Variants in DCC observed in about 807,000 individuals in gnomAD.
DCC encodes the protein netrin receptor DCC.
A neutral mutation model predicts 172.5 loss-of-function variants in DCC; 58 were observed. The ratio of observed to expected loss-of-function variants is 0.34; its 90% CI spans 0.27 to 0.42. The LOEUF (loss-of-function observed/expected upper bound fraction) is 0.42. Ranked by LOEUF, DCC falls within the 10% of genes least tolerant of loss-of-function variation. The pLI is 1.00. For synonymous variants in DCC, 709 were observed against 644.5 expected (o/e 1.10, Z -1.52); for missense variants, 1,740 against 1,791.0 (o/e 0.97, Z 0.51).
At chr18:52,406,416 C>T (rs1986654503) in intron 1 of DCC, among the ~76,000 whole-genome samples, 1 of 151,898 alleles carries the variant, frequency 6.6e-6, no homozygotes, top group South Asian at 2.1e-4. Context: ...TTTTCGCAAC[C>T]TACTCATCTG....
intron 5 of DCC, among the ~76,000 whole-genome samples, chr18:52,963,721 A>G (rs1030423791): frequency 1.3e-5 from 2 of 152,140 alleles, no homozygotes; most frequent in African/African-American, 4.8e-5. Flanking sequence ...AGAGAATTCT[A>G]ACACTTCCAG....
At chr18:52,380,053 A>G (rs1011144333) in intron 1 of DCC, among the ~76,000 whole-genome samples, 44 of 152,040 alleles carry the variant, frequency 2.9e-4, no homozygotes, top group African/African-American at 1.0e-3. Flanking sequence ...CATCCTCTGG[A>G]GGGGAGGAAT....
At chr18:52,968,069 T>C (rs1312252424) in intron 5 of DCC, among the ~76,000 whole-genome samples, 1 of 152,200 alleles carries the variant, frequency 6.6e-6, no homozygotes, top group Non-Finnish European at 1.5e-5. Context: ...ATTATTCTTC[T>C]AGCATTTATT....
chr18:52,562,595 T>G (rs1438258576), intron 1 of DCC, among the ~76,000 whole-genome samples: 2 of 152,098 alleles, frequency 1.3e-5, no homozygotes, highest in African/African-American at 4.8e-5. Context: ...CACCTTTTTG[T>G]GAACAAAATA....
At chr18:53,026,393 A>G (rs2041955603) in intron 5 of DCC, among the ~76,000 whole-genome samples, 1 of 152,086 alleles carries the variant, frequency 6.6e-6, no homozygotes, top group African/African-American at 2.4e-5. Context: ...AGCATTGTCA[A>G]CTTTTCAACT....
intron 1 of DCC, among the ~76,000 whole-genome samples, chr18:52,512,691 A>G (rs918779307): frequency 2.0e-5 from 3 of 152,136 alleles, no homozygotes; most frequent in African/African-American, 7.2e-5. Flanking sequence ...CTTACATCTT[A>G]GTGAAGGATA....
At chr18:52,839,564 CTCT>C (rs1212667411) in intron 2 of DCC, among the ~76,000 whole-genome samples, 2 of 152,206 alleles carry the variant, frequency 1.3e-5, no homozygotes, top group African/African-American at 4.8e-5. Context: ...CCCACCAGCC[CTCT>C]TCTTGACAAC....
At chr18:52,931,415 G>T (rs1023687438) in intron 5 of DCC, among the ~76,000 whole-genome samples, 1 of 134,636 alleles carries the variant, frequency 7.4e-6, no homozygotes, top group Non-Finnish European at 1.7e-5. Flanking sequence ...CTTTAATCAC[G>T]CATTTTATTA....
intron 15 of DCC, among the ~76,000 whole-genome samples, chr18:53,345,961 A>G (rs2057718809): frequency 6.6e-6 from 1 of 151,074 alleles, no homozygotes; most frequent in Admixed American, 6.6e-5. Context: ...CTTCTTTTGG[A>G]TTATTTGAAT....
intron 1 of DCC, among the ~76,000 whole-genome samples, chr18:52,700,094 A>G (rs2036082801): frequency 6.6e-6 from 1 of 150,718 alleles, no homozygotes; most frequent in Non-Finnish European, 1.5e-5. Context: ...TTTATAAGTT[A>G]CCATTTTGGA....
chr18:52,711,808 C>CT (rs1253953049), intron 1 of DCC, among the ~76,000 whole-genome samples: 11 of 152,008 alleles, frequency 7.2e-5, no homozygotes, highest in Admixed American at 2.6e-4. Context: ...CACCTGCTGA[C>CT]TTTTTTTTGA....
chr18:53,418,304 C>T (rs1046380548), intron 21 of DCC, among the ~76,000 whole-genome samples: 6 of 152,070 alleles, frequency 3.9e-5, no homozygotes, highest in East Asian at 1.9e-4. Flanking sequence ...CCTCAAAGCA[C>T]GTTTTATAAA....
At position 53,499,495 on chromosome 18, in the gene DCC, C is replaced by A. The variant is rs2144447369; in HGVS notation, c.4096C>A (p.Leu1366Ile). ...AGAACCGAAAGTCCCTTACACACCACTTTTGTCTCAGCCAGGTAAAGTACT... is the reference window on the plus strand; with the variant it reads ...AGAACCGAAAGTCCCTTACACACCAATTTTGTCTCAGCCAGGTAAAGTACT... Reference protein sequence around the residue: ...AIEPKVPYTPLLSQPGPTLPK... With the variant: ...AIEPKVPYTPILSQPGPTLPK... The change falls in exon 27 of 29, where the codon CTT becomes ATT. Residue 1366 changes from leucine to isoleucine, a missense_variant. Transcript: ENST00000442544. 6.2e-7 allele frequency: 1 copy of A among 1,613,964 alleles called. No homozygotes were observed. Among genetic ancestry groups the A allele is most frequent in the South Asian group, 1.1e-5 (1 of 91,076 alleles).
intron 1 of DCC, among the ~76,000 whole-genome samples, chr18:52,509,270 T>C (rs1351483851): frequency 6.6e-6 from 1 of 152,224 alleles, no homozygotes; most frequent in Non-Finnish European, 1.5e-5. Context: ...TATTGATAGA[T>C]TTTGAACTGA....
chr18:53,462,323 C>A (rs563191463), intron 24 of DCC, among the ~76,000 whole-genome samples: 2 of 152,256 alleles, frequency 1.3e-5, no homozygotes, highest in East Asian at 3.9e-4. Context: ...ACTCCCATTA[C>A]TGCCTGAGCT....
chr18:52,395,866 TCCAGAGCTCAACCTATTCCACAAC>T (rs1176379861), intron 1 of DCC, among the ~76,000 whole-genome samples: 6 of 152,012 alleles, frequency 3.9e-5, no homozygotes, highest in Admixed American at 6.6e-5. Flanking sequence ...TATTCTACAA[TCCAGAGCTCAACCTATTCCACAAC>T]CCAGAGCTCT....
chr18:53,079,076 C>A (rs2144129156), intron 7 of DCC, among the ~76,000 whole-genome samples: 2 of 152,192 alleles, frequency 1.3e-5, no homozygotes, highest in Middle Eastern at 3.4e-3. Context: ...CTGATTCTTT[C>A]TTTAAGTGAT....
chr18:53,048,985 T>C (rs2042297378), intron 5 of DCC, among the ~76,000 whole-genome samples: 1 of 152,140 alleles, frequency 6.6e-6, no homozygotes, highest in Non-Finnish European at 1.5e-5. Context: ...ATGTCTTCTT[T>C]TGAACAGTGT....
At chr18:52,455,173 GATTTA>G (rs1988420859) in intron 1 of DCC, among the ~76,000 whole-genome samples, 2 of 152,030 alleles carry the variant, frequency 1.3e-5, no homozygotes, top group Admixed American at 6.6e-5. Context: ...AGATAATTCT[GATTTA>G]ATTTAATTAA....
Sources: gnomAD v4.1 joint callset for allele counts (sites outside exome capture counted in the v4.1 genomes callset) on GRCh38, gnomAD v4.1.1 for gene constraint, MANE v1.5 for transcripts, NCBI Gene and HGNC (gene_info 2026-07-23, HGNC 2026-07-21) for gene names.